Variants in FGF19 observed in about 807,000 individuals in gnomAD.
FGF19 encodes the protein FGF-19.
Under a neutral mutation model 8.9 loss-of-function variants are expected in FGF19, and 5 were observed. The ratio of observed to expected loss-of-function variants is 0.56; its 90% CI spans 0.29 to 1.18. The LOEUF (loss-of-function observed/expected upper bound fraction) is 1.18. FGF19 is among the 50% of genes most tolerant of loss of function. The pLI is 0.08. For synonymous variants in FGF19, 124 were observed against 128.0 expected (o/e 0.97, Z 0.21); for missense variants, 237 against 293.9 (o/e 0.81, Z 1.42).
chr11:69,698,727 A>C lies in FGF19; in HGVS notation c.*535T>G, dbSNP rs1455964785. ...CTGGTGGGCCATGCCTGCTCCAGTCAGTTCTGGCCTGGAGGGATTTGGGAA... is the reference window on the plus strand; with the variant it reads ...CTGGTGGGCCATGCCTGCTCCAGTCCGTTCTGGCCTGGAGGGATTTGGGAA... On this transcript the variant is annotated 3_prime_UTR_variant, in exon 3 of 3. Coordinates refer to ENST00000294312, the MANE Select transcript of FGF19 (RefSeq NM_005117.3). The C allele has an allele frequency of 5.0e-6, 1 of 199,878 alleles. No homozygotes were observed. The highest frequency in any genetic ancestry group is 1.0e-5 in the Non-Finnish European group (1 of 96,944). 12.4% of individuals were successfully genotyped at this position (199,878 alleles called of 1,614,324 possible). A position where few individuals can be genotyped will look rare whatever the true frequency, so the allele number is the denominator to read the frequency against.
In FGF19 at chr11:69,703,009, T is replaced by C. The variant is rs547634084; in HGVS notation, c.336+252A>G. Among the ~76,000 whole-genome samples, 3 of 152,268 alleles carry C rather than the reference T, an allele frequency of 2.0e-5. No homozygotes were observed. Among genetic ancestry groups the C allele is most frequent in the African/African-American group, 7.2e-5 (3 of 41,552 alleles). On this transcript the variant is annotated intron_variant, in intron 2 of 2. Transcript: ENST00000294312. This position sits in a 1 kb window ranked among gnomAD's most constrained non-coding sequence, Gnocchi z 6.8. ...CGGTCCGGCTAGGCCGGCCTTTGAC[T>C]CAATTGGAAATGCAAAGGCAGCTTT...
rs191447718 is a variant in FGF19 at position 69,699,488 on chromosome 11, G to C, written c.425C>G (p.Pro142Arg). 5 of 1,614,172 alleles carry C rather than the reference G, an allele frequency of 3.1e-6. No homozygotes were observed. The highest frequency in any genetic ancestry group is 4.2e-6 in the Non-Finnish European group (5 of 1,180,004). Residue 142 changes from proline (P) to arginine (R), a missense_variant, in exon 3 of 3, where the codon CCG becomes CGG. Physicochemically the swap from Pro to Arg is moderately radical, Grantham distance 103. Transcript: ENST00000294312. ...CTGTTTGGCACTGCTCAGGGAGACC[G>C]GGAGGCGGTGCTTCTCGGATCGGTA... is the stretch of plus-strand genomic sequence containing the variant. Reference protein sequence around the residue: ...NVYRSEKHRLPVSLSSAKQRQ... With the variant: ...NVYRSEKHRLRVSLSSAKQRQ...
At chr11:69,701,767 C>G (rs1257735370) in intron 2 of FGF19, among the ~76,000 whole-genome samples, 1 of 151,826 alleles carries the variant, frequency 6.6e-6, no homozygotes, top group African/African-American at 2.4e-5. Context: ...GAGTTCAAGA[C>G]CAGCCTGGCC....
Position 69,698,243 on chromosome 11 carries a change from A to G in FGF19, c.*1019T>C, listed in dbSNP as rs1226317115. On this transcript the variant is annotated 3_prime_UTR_variant, in exon 3 of 3. Transcript: ENST00000294312. The stretch of plus-strand genomic sequence containing the variant: ...TAATAGAATGCACCTTTTGATACAA[A>G]CAAACTCCATTTTAATATACAAAAC... 5.7e-6 allele frequency: 1 copy of G among 174,552 alleles called. No homozygotes were observed. The highest frequency in any genetic ancestry group is 1.2e-5 in the Non-Finnish European group (1 of 80,852). 10.8% of individuals were successfully genotyped at this position (174,552 alleles called of 1,614,324 possible).
chr11:69,703,685 G>C lies in FGF19; in HGVS notation c.192C>G (p.Ala64=), dbSNP rs1854804035. 3 of 1,232,452 alleles carry C rather than the reference G, an allele frequency of 2.4e-6. No homozygotes were observed. Among genetic ancestry groups the C allele is most frequent in the South Asian group, 4.1e-5 (1 of 24,434 alleles). 76.3% of individuals were successfully genotyped at this position (1,232,452 alleles called of 1,614,324 possible). A position where few individuals can be genotyped will look rare whatever the true frequency, so the allele number is the denominator to read the frequency against. ...CCCGCGCGCAGTCCACGACGCCGTC[G>C]GCACGGATGCGCAGGAAGCAGCTGG... The part of the protein sequence containing the change: ...GLSSCFLRIR[A]DGVVDCARGQ... Residue 64 remains alanine, a synonymous_variant, in exon 1 of 3, where the codon GCC becomes GCG. Coordinates refer to ENST00000294312, the MANE Select transcript of FGF19 (RefSeq NM_005117.3). The surrounding 1 kb of genome is among the most constrained non-coding windows in gnomAD (Gnocchi z 6.8).
intron 2 of FGF19, among the ~76,000 whole-genome samples, chr11:69,701,606 C>CCA (rs1854772453): frequency 1.7e-5 from 1 of 59,878 alleles, no homozygotes; most frequent in Non-Finnish European, 2.8e-5. Flanking sequence ...GACTCCGTCT[C>CCA]AAAAAAAAAA....
In FGF19 at chr11:69,702,659, G is replaced by A. The variant is rs1167903514; in HGVS notation, c.336+602C>T. On this transcript the variant is annotated intron_variant, in intron 2 of 2. Coordinates refer to ENST00000294312, the MANE Select transcript of FGF19 (RefSeq NM_005117.3). The surrounding 1 kb of genome is among the most constrained non-coding windows in gnomAD (Gnocchi z 4.6). ...TTTACAGGACAGGTGAGGCCCGCAGGAGGAAAAGCACTCCCCTGGCGCAAC... is the reference window on the plus strand; with the variant it reads ...TTTACAGGACAGGTGAGGCCCGCAGAAGGAAAAGCACTCCCCTGGCGCAAC... 6.6e-6 allele frequency among the ~76,000 whole-genome samples: 1 copy of A among 152,066 alleles called. No individual in the cohort carries two copies. The highest frequency in any genetic ancestry group is 1.5e-5 in the Non-Finnish European group (1 of 68,002).
intron 2 of FGF19, among the ~76,000 whole-genome samples, chr11:69,700,080 C>A (rs1854752077): frequency 6.6e-6 from 1 of 151,494 alleles, no homozygotes; most frequent in African/African-American, 2.4e-5. Flanking sequence ...TAGAGCAAGA[C>A]CCTGTCTCAA....
chr11:69,701,099 C>T (rs554352526), intron 2 of FGF19, among the ~76,000 whole-genome samples: 341 of 152,340 alleles, frequency 2.2e-3, no homozygotes, highest in African/African-American at 6.7e-3. Context: ...GCCGAGCCCA[C>T]GGATGGCTGG....
rs925526460 is a variant in FGF19 at position 69,703,767 on chromosome 11, C to T, written c.110G>A (p.Gly37Asp). The T allele has an allele frequency of 1.6e-6, 2 of 1,234,878 alleles. No individual in the cohort carries two copies. Among genetic ancestry groups the T allele is most frequent in the African/African-American group, 3.1e-5 (2 of 64,414 alleles). The allele number at this position is 1,234,878 out of a possible 1,614,324, so 76.5% of individuals were successfully genotyped here. A position where few individuals can be genotyped will look rare whatever the true frequency, so the allele number is the denominator to read the frequency against. ...CCGCAGGCGGATGGGGTCGCCCCAG[C>T]CGTAGTGCACGTGGGGCCCCGCGTC... is the stretch of plus-strand genomic sequence containing the variant. The part of the protein sequence containing the change: ...FSDAGPHVHY[G>D]WGDPIRLRHL... Residue 37 changes from glycine to aspartate, a missense_variant, in exon 1 of 3, where the codon GGC becomes GAC. Coordinates refer to ENST00000294312, the MANE Select transcript of FGF19 (RefSeq NM_005117.3). The surrounding 1 kb of genome is among the most constrained non-coding windows in gnomAD (Gnocchi z 6.8).
In FGF19 at chr11:69,702,913, GGCAGAGGCT is replaced by G. The variant is rs1233580414; in HGVS notation, c.336+339_336+347del. On this transcript the variant is annotated intron_variant, in intron 2 of 2. Transcript: ENST00000294312. The surrounding 1 kb of genome is among the most constrained non-coding windows in gnomAD (Gnocchi z 4.6). Reference sequence around the variant, plus strand: ...CGGAGGCGAGGACCACACACGCGCAGGCAGAGGCTGAAAAGGCCCGAGGTGGGTTTTCCT... The same window carrying G: ...CGGAGGCGAGGACCACACACGCGCAGGAAAAGGCCCGAGGTGGGTTTTCCT... 6.6e-6 allele frequency among the ~76,000 whole-genome samples: 1 copy of G among 152,032 alleles called. No homozygotes were observed. The highest frequency in any genetic ancestry group is 1.5e-5 in the Non-Finnish European group (1 of 68,002).
Position 69,699,406 on chromosome 11 carries a change from C to G in FGF19, c.507G>C (p.Leu169=). ...FLPLSHFLPM[L]PMVPEEPEDL... is the part of the protein sequence containing the mutation. ...CCTCAGGCTCCTCTGGGACCATGGG[C>G]AGCATGGGCAGGAAATGAGAGAGTG... Residue 169 remains leucine (L), a synonymous_variant, in exon 3 of 3, where the codon CTG becomes CTC. Transcript: ENST00000294312. 1 of 1,614,184 alleles carries G rather than the reference C, an allele frequency of 6.2e-7. No individual in the cohort carries two copies. Among genetic ancestry groups the G allele is most frequent in the East Asian group, 2.2e-5 (1 of 44,884 alleles).
At position 69,699,429 on chromosome 11, in the gene FGF19, G is replaced by T. The variant is rs1854743664; in HGVS notation, c.484C>A (p.Leu162Ile). Residue 162 changes from leucine (L) to isoleucine (I), a missense_variant, in exon 3 of 3, where the codon CTC (leucine) becomes ATC (isoleucine). By Grantham distance (5) the Leu-to-Ile change is conservative. Transcript: ENST00000294312. The part of the protein sequence containing the change: ...QLYKNRGFLP[L>I]SHFLPMLPMV... ...GGCAGCATGGGCAGGAAATGAGAGAGTGGAAGAAAGCCTCTGTTCTTGTAC... is the reference window on the plus strand; with the variant it reads ...GGCAGCATGGGCAGGAAATGAGAGATTGGAAGAAAGCCTCTGTTCTTGTAC... 1.2e-6 allele frequency: 2 copies of T among 1,614,122 alleles called. No individual in the cohort carries two copies. The highest frequency in any genetic ancestry group is 2.7e-5 in the African/African-American group (2 of 74,952).
At chr11:69,701,965 CAAAA>C (rs59026695) in intron 2 of FGF19, among the ~76,000 whole-genome samples, 6 of 72,890 alleles carry the variant, frequency 8.2e-5, no homozygotes, top group Admixed American at 1.4e-4. Context: ...AAGACTCTGC[CAAAA>C]AAAAAAAAAA....
In FGF19 at chr11:69,703,517, G is replaced by T. The variant is rs1854800990; in HGVS notation, c.232+128C>A. The stretch of plus-strand genomic sequence containing the variant: ...TAACGTCCAGGTGCCAAAACCTGGG[G>T]TTCCCAGGAGTTGAGGGGTCCGCAG... On this transcript the variant is annotated intron_variant, in intron 1 of 2. Coordinates refer to ENST00000294312, the MANE Select transcript of FGF19 (RefSeq NM_005117.3). The surrounding 1 kb of genome is among the most constrained non-coding windows in gnomAD (Gnocchi z 6.8). 1.3e-6 allele frequency: 1 copy of T among 773,818 alleles called. No homozygotes were observed. Among genetic ancestry groups the T allele is most frequent in the Non-Finnish European group, 1.9e-6 (1 of 526,852 alleles). 47.9% of individuals were successfully genotyped at this position (773,818 alleles called of 1,614,324 possible). A position where few individuals can be genotyped will look rare whatever the true frequency, so the allele number is the denominator to read the frequency against.
Position 69,703,873 on chromosome 11 carries a change from G to T in FGF19, c.4C>A (p.Arg2=), listed in dbSNP as rs1001998520. Residue 2 remains arginine, a synonymous_variant, in exon 1 of 3, where the codon CGG becomes AGG. Transcript: ENST00000294312. This position sits in a 1 kb window ranked among gnomAD's most constrained non-coding sequence, Gnocchi z 6.8. The part of the protein sequence containing the change: M[R]SGCVVVHVWI... ...ACGTGGACCACCACACACCCGCTCCGCATGGCACCTCCCTGGGGCTCTCGG... is the reference window on the plus strand; with the variant it reads ...ACGTGGACCACCACACACCCGCTCCTCATGGCACCTCCCTGGGGCTCTCGG... 8.0e-7 allele frequency: 1 copy of T among 1,249,894 alleles called. No homozygotes were observed. The highest frequency in any genetic ancestry group is 1.5e-5 in the African/African-American group (1 of 64,644). The allele number at this position is 1,249,894 out of a possible 1,614,324, so 77.4% of individuals were successfully genotyped here. A position where few individuals can be genotyped will look rare whatever the true frequency, so the allele number is the denominator to read the frequency against.
Position 69,699,266 on chromosome 11 carries a change from T to C in FGF19, c.647A>G (p.Lys216Arg), listed in dbSNP as rs779279247. 5 of 1,607,268 alleles carry C rather than the reference T, an allele frequency of 3.1e-6. No individual in the cohort carries two copies. Among genetic ancestry groups the C allele is most frequent in the South Asian group, 1.1e-5 (1 of 90,140 alleles). ...LEAVRSPSFE[K>R] ...GAGGCCCGGGCATGGTCTCAGTTACTTCTCAAAGCTGGGACTCCTCACGGC... is the reference window on the plus strand; with the variant it reads ...GAGGCCCGGGCATGGTCTCAGTTACCTCTCAAAGCTGGGACTCCTCACGGC... Residue 216 changes from lysine (K) to arginine (R), a missense_variant, in exon 3 of 3, where the codon AAG (lysine) becomes AGG (arginine). By Grantham distance (26) the Lys-to-Arg change is conservative. Transcript: ENST00000294312.
At position 69,703,934 on chromosome 11, in the gene FGF19, G is replaced by T; in HGVS notation, c.-58C>A. On this transcript the variant is annotated 5_prime_UTR_variant, in exon 1 of 3. Transcript: ENST00000294312. This position sits in a 1 kb window ranked among gnomAD's most constrained non-coding sequence, Gnocchi z 6.8. The stretch of plus-strand genomic sequence containing the variant: ...GCGATGGGGGTGCGGGAGGCTGGGC[G>T]GCGACCGGGATGCGCTGCGGGGCTG... 1.8e-6 allele frequency: 2 copies of T among 1,089,760 alleles called. No individual in the cohort carries two copies. Among genetic ancestry groups the T allele is most frequent in the South Asian group, 4.0e-5 (1 of 24,910 alleles). The allele number at this position is 1,089,760 out of a possible 1,614,324, so 67.5% of individuals were successfully genotyped here.
Position 69,702,172 on chromosome 11 carries a change from G to T in FGF19, c.336+1089C>A, listed in dbSNP as rs367878753. 3.7e-3 allele frequency among the ~76,000 whole-genome samples: 557 copies of T among 152,078 alleles called. 3 individuals carry two copies. Among genetic ancestry groups the T allele is most frequent in the African/African-American group, 0.012 (485 of 41,492 alleles). On this transcript the variant is annotated intron_variant, in intron 2 of 2. Transcript: ENST00000294312. The surrounding 1 kb of genome is among the most constrained non-coding windows in gnomAD (Gnocchi z 4.6). The stretch of plus-strand genomic sequence containing the variant: ...CTCTGGGTGGGAGTCAGCGTCCAGC[G>T]TGCCGACCACCCCCTTTCTCTGCAG...
Sources: allele counts gnomAD v4.1 joint callset (sites outside exome capture counted in the v4.1 genomes callset), GRCh38; gene constraint gnomAD v4.1.1; non-coding constraint Gnocchi (gnomAD v3.1); transcripts MANE v1.5; gene names NCBI Gene and HGNC (gene_info 2026-07-23, HGNC 2026-07-21).